Variants in FRMD4A observed in about 807,000 individuals in gnomAD.
FRMD4A encodes FERM domain-containing protein 4A.
A neutral mutation model predicts 129.1 loss-of-function variants in FRMD4A; 29 were observed. The observed-to-expected ratio is 0.22, with a 90% CI of 0.17 to 0.31. The LOEUF (loss-of-function observed/expected upper bound fraction) is 0.31. FRMD4A is among the 10% of genes least tolerant of loss of function. The pLI is 1.00. For missense variants in FRMD4A, 1,272 were observed against 1,375.8 expected (o/e 0.92, Z 1.19); for synonymous variants, 634 against 571.6 (o/e 1.11, Z -1.56).
At chr10:14,086,027 T>C (rs1338773384) in intron 2 of FRMD4A, among the ~76,000 whole-genome samples, 2 of 152,202 alleles carry the variant, frequency 1.3e-5, no homozygotes, top group Non-Finnish European at 2.9e-5. Flanking sequence ...CAGAGCACTG[T>C]TTCCTATCTA....
intron 2 of FRMD4A, among the ~76,000 whole-genome samples, chr10:13,964,508 G>A (rs371419292): frequency 2.0e-4 from 31 of 152,104 alleles, no homozygotes; most frequent in African/African-American, 6.0e-4. Context: ...AGAGAGGACA[G>A]AGGTCGATTT....
At chr10:13,918,274 C>T (rs970434665) in intron 2 of FRMD4A, among the ~76,000 whole-genome samples, 1 of 152,150 alleles carries the variant, frequency 6.6e-6, no homozygotes, top group Non-Finnish European at 1.5e-5. Flanking sequence ...AGGCTCAATA[C>T]ACCATTTTTG....
At chr10:14,175,522 CTT>C (rs374088064) in intron 2 of FRMD4A, among the ~76,000 whole-genome samples, 1,343 of 122,930 alleles carry the variant, frequency 0.011, 12 homozygotes, top group Non-Finnish European at 0.015. Flanking sequence ...AGTTTGCTTC[CTT>C]TTTTTTTTTT....
Position 13,697,211 on chromosome 10 carries a change from C to T in FRMD4A, c.976-3172G>A, listed in dbSNP as rs909285294. Reference sequence around the variant, plus strand: ...CACTGTTGCCTAGGCTGGGGGAGTGCGGTGGCACGATCTCAGCTCACTGCA... The same window carrying T: ...CACTGTTGCCTAGGCTGGGGGAGTGTGGTGGCACGATCTCAGCTCACTGCA... On this transcript the variant is annotated intron_variant, in intron 14 of 24. Coordinates refer to ENST00000357447, the MANE Select transcript of FRMD4A (RefSeq NM_018027.5). Among the ~76,000 whole-genome samples, 11 of 144,792 alleles carry T rather than the reference C, an allele frequency of 7.6e-5. No homozygotes were observed. The East Asian group carries it at 1.0e-3, about 13-fold the overall frequency. The allele number at this position is 144,792 out of a possible 152,430, so 95.0% of individuals were successfully genotyped here.
chr10:14,284,306 T>C (rs553541164), intron 2 of FRMD4A, among the ~76,000 whole-genome samples: 14 of 152,260 alleles, frequency 9.2e-5, no homozygotes, highest in East Asian at 3.9e-4. Flanking sequence ...CACTTCTAGA[T>C]AGTGATGGTG....
intron 16 of FRMD4A, among the ~76,000 whole-genome samples, chr10:13,673,646 A>G (rs920559712): frequency 2.0e-5 from 3 of 151,988 alleles, no homozygotes; most frequent in Admixed American, 6.6e-5. Context: ...GCCTTCAAAC[A>G]CTTCTAACAA....
At chr10:13,875,699 C>T (rs11258686) in intron 2 of FRMD4A, among the ~76,000 whole-genome samples, 44,352 of 151,870 alleles carry the variant, frequency 0.29, 6,862 homozygotes, top group Non-Finnish European at 0.36. Flanking sequence ...ATAACTAGAC[C>T]GGGTGAAGGT....
chr10:14,064,726 C>T (rs543669299), intron 2 of FRMD4A, among the ~76,000 whole-genome samples: 2 of 152,126 alleles, frequency 1.3e-5, no homozygotes, highest in South Asian at 4.1e-4. Context: ...TACAGGTGCT[C>T]ACCATCACAC....
At chr10:14,274,162 C>T (rs7077887) in intron 2 of FRMD4A, among the ~76,000 whole-genome samples, 4,587 of 152,286 alleles carry the variant, frequency 0.03, 231 homozygotes, top group African/African-American at 0.1. Flanking sequence ...CTGCCCTGAA[C>T]GCAGTCAGAG....
intron 12 of FRMD4A, among the ~76,000 whole-genome samples, chr10:13,721,964 G>A (rs896913457): frequency 7.2e-5 from 11 of 152,194 alleles, no homozygotes; most frequent in East Asian, 3.8e-4. Context: ...ACGTGAGGAC[G>A]GAGAGAGGCT....
chr10:14,327,716 G>T (rs1843334235), intron 2 of FRMD4A, among the ~76,000 whole-genome samples: 2 of 152,178 alleles, frequency 1.3e-5, no homozygotes, highest in Admixed American at 1.3e-4. Context: ...TAGCCCCGAT[G>T]ACTCCATAGC....
At chr10:13,737,449 T>C (rs1227759404) in intron 12 of FRMD4A, among the ~76,000 whole-genome samples, 1 of 152,130 alleles carries the variant, frequency 6.6e-6, no homozygotes, top group African/African-American at 2.4e-5. Flanking sequence ...CCTGATCCTG[T>C]CCCAGAAATC....
At chr10:14,016,554 G>A (rs1004987869) in intron 2 of FRMD4A, among the ~76,000 whole-genome samples, 3 of 152,192 alleles carry the variant, frequency 2.0e-5, no homozygotes, top group Admixed American at 1.3e-4. Flanking sequence ...ATCCGGCTTA[G>A]CCACCTATTT....
chr10:13,945,911 C>T (rs1588471925), intron 2 of FRMD4A, among the ~76,000 whole-genome samples: 2 of 152,174 alleles, frequency 1.3e-5, no homozygotes, highest in African/African-American at 4.8e-5. Flanking sequence ...GGGTCAGAGG[C>T]CCCAGTTTCA....
chr10:13,852,908 G>T (rs1210306775), intron 3 of FRMD4A, among the ~76,000 whole-genome samples: 2 of 152,098 alleles, frequency 1.3e-5, no homozygotes, highest in African/African-American at 2.4e-5. Context: ...ATAATCTCAG[G>T]ATTATGAGCC....
intron 12 of FRMD4A, among the ~76,000 whole-genome samples, chr10:13,718,163 A>C (rs895380194): frequency 1.3e-5 from 2 of 152,158 alleles, no homozygotes; most frequent in Admixed American, 1.3e-4. Context: ...GGGCACCAGA[A>C]GCGAGGCAGA....
At chr10:14,289,399 T>A (rs574168963) in intron 2 of FRMD4A, among the ~76,000 whole-genome samples, 1 of 152,336 alleles carries the variant, frequency 6.6e-6, no homozygotes, top group South Asian at 2.1e-4. Flanking sequence ...CATTTTCATA[T>A]GCCTGTTGGC....
At chr10:13,808,396 G>A (rs1013787742) in intron 4 of FRMD4A, among the ~76,000 whole-genome samples, 9 of 152,190 alleles carry the variant, frequency 5.9e-5, no homozygotes, top group African/African-American at 2.4e-5. Flanking sequence ...GTAGTGTCCC[G>A]TGATACAGAG....
intron 23 of FRMD4A, chr10:13,653,069 C>T (rs61833192): frequency 0.33 from 50,628 of 152,044 alleles, 9,423 homozygotes; most frequent in East Asian, 0.77. Context: ...GTATTTCCCC[C>T]GCAAGGGGAT....
Sources: gnomAD v4.1 joint callset for allele counts (sites outside exome capture counted in the v4.1 genomes callset) on GRCh38, gnomAD v4.1.1 for gene constraint, MANE v1.5 for transcripts, NCBI Gene and HGNC (gene_info 2026-07-23, HGNC 2026-07-21) for gene names.